TBL1XR1: variants seen among roughly 807,000 people sequenced by gnomAD.
The protein encoded by TBL1XR1 is F-box-like/WD repeat-containing protein TBL1XR1.
A neutral mutation model predicts 66.9 loss-of-function variants in TBL1XR1; 5 were observed. The ratio of observed to expected loss-of-function variants is 0.07; its 90% confidence interval spans 0.04 to 0.16. The LOEUF is 0.16. Ranked by LOEUF, TBL1XR1 falls within the 10% of genes least tolerant of loss-of-function variation. The probability of loss-of-function intolerance (pLI) is 1.00; values close to 1 mark genes in which losing one functional copy is unlikely to be tolerated. For synonymous variants in TBL1XR1, 210 were observed against 206.0 expected (o/e 1.02, Z -0.17); for missense variants, 238 against 623.2 (o/e 0.38, Z 6.58).
At chr3:177,173,081 G>A (rs919940471) in intron 1 of TBL1XR1, among the ~76,000 whole-genome samples, 2 of 152,082 alleles carry the variant, frequency 1.3e-5, no homozygotes, top group South Asian at 2.1e-4. Flanking sequence ...CAGCTACTCC[G>A]CAGTCTGAGG....
upstream of TBL1XR1, among the ~76,000 whole-genome samples, chr3:177,199,924 T>C (rs1363999996): frequency 6.6e-6 from 1 of 152,180 alleles, no homozygotes; most frequent in Admixed American, 6.5e-5. Context: ...AAATGTACTT[T>C]ACTCACCACT....
intron 1 of TBL1XR1, among the ~76,000 whole-genome samples, chr3:177,122,253 C>T (rs116156623): frequency 4.2e-4 from 62 of 148,896 alleles, no homozygotes; most frequent in African/African-American, 1.4e-3. Context: ...TAAAATATTC[C>T]CTCCTCCTCT....
At chr3:177,201,414 C>CAA (rs557996871), upstream of TBL1XR1, among the ~76,000 whole-genome samples, 402 of 38,562 alleles carry the variant, frequency 0.01, 1 homozygote, top group Non-Finnish European at 0.015. Flanking sequence ...GATTACATCT[C>CAA]AAAAAAAAAA....
chr3:177,134,790 C>T (rs1018212675), intron 1 of TBL1XR1, among the ~76,000 whole-genome samples: 4 of 152,078 alleles, frequency 2.6e-5, no homozygotes, highest in Non-Finnish European at 5.9e-5. Flanking sequence ...TATATCTATA[C>T]GTCTCTAGTA....
At chr3:177,197,508 A>C (rs1262201079), upstream of TBL1XR1, 1 of 148,528 alleles carries the variant, frequency 6.7e-6, no homozygotes, top group Non-Finnish European at 1.5e-5. Context: ...TCAGACACTC[A>C]ACACTGGGGA....
intron 14 of TBL1XR1, among the ~76,000 whole-genome samples, chr3:177,030,284 T>A (rs917809833): frequency 6.6e-6 from 1 of 151,606 alleles, no homozygotes; most frequent in Non-Finnish European, 1.5e-5. Flanking sequence ...TATATTCATA[T>A]TATGAATATA....
rs1416318798 is a variant in TBL1XR1 at position 177,181,822 on chromosome 3, G to A, written c.-122+15299C>T. 2.0e-3 allele frequency among the ~76,000 whole-genome samples: 177 copies of A among 86,590 alleles called. 1 individual carries two copies. Among genetic ancestry groups the A allele is most frequent in the African/African-American group, 4.3e-3 (128 of 29,546 alleles). The allele number at this position is 86,590 out of a possible 152,430, so 56.8% of individuals were successfully genotyped here. A position where few individuals can be genotyped will look rare whatever the true frequency, so the allele number is the denominator to read the frequency against. Reference sequence around the variant, plus strand: ...AGGTAAACGTAAGGGTTCAAGTTAGGAAAAAAAAAAAAAAACACACACATG... The same window carrying A: ...AGGTAAACGTAAGGGTTCAAGTTAGAAAAAAAAAAAAAAAACACACACATG... On this transcript the variant is annotated intron_variant, in intron 1 of 15. Coordinates refer to ENST00000457928, the MANE Select transcript of TBL1XR1 (RefSeq NM_024665.7).
At chr3:177,146,426 A>C (rs187847300) in intron 1 of TBL1XR1, among the ~76,000 whole-genome samples, 1 of 151,710 alleles carries the variant, frequency 6.6e-6, no homozygotes, top group Admixed American at 6.6e-5. Context: ...AGCTGGGACT[A>C]CAGGCATCCG....
chr3:177,086,245 AAT>A (rs1403436353), intron 2 of TBL1XR1, among the ~76,000 whole-genome samples: 1 of 151,958 alleles, frequency 6.6e-6, no homozygotes, highest in African/African-American at 2.4e-5. Context: ...TCTTATAATC[AAT>A]AGTTTAAAAT....
chr3:177,077,766 T>C (rs569314157), intron 2 of TBL1XR1, among the ~76,000 whole-genome samples: 1 of 152,254 alleles, frequency 6.6e-6, no homozygotes, highest in Non-Finnish European at 1.5e-5. Context: ...TATTATCTCT[T>C]TATGATACCT....
chr3:177,123,071 G>T (rs1188528115), intron 1 of TBL1XR1, among the ~76,000 whole-genome samples: 1 of 152,092 alleles, frequency 6.6e-6, no homozygotes, highest in Non-Finnish European at 1.5e-5. Context: ...GGAAATAGAA[G>T]TCTTTTGCTA....
intron 2 of TBL1XR1, among the ~76,000 whole-genome samples, chr3:177,094,084 A>G (rs1021720298): frequency 4.6e-5 from 7 of 152,232 alleles, no homozygotes; most frequent in African/African-American, 1.7e-4. Flanking sequence ...TACATCCAAC[A>G]AAGGACTAAT....
At chr3:177,134,433 T>C (rs1441664306) in intron 1 of TBL1XR1, among the ~76,000 whole-genome samples, 1 of 152,170 alleles carries the variant, frequency 6.6e-6, no homozygotes, top group African/African-American at 2.4e-5. Flanking sequence ...CTAGTACTGT[T>C]GCTACTAAGG....
intron 3 of TBL1XR1, 138 bp downstream of exon 3, chr3:177,064,782 C>G: frequency 1.6e-6 from 1 of 635,424 alleles, no homozygotes; most frequent in South Asian, 2.1e-5. Context: ...TAAAACATAG[C>G]TTTAAAATGG....
At chr3:177,117,860 T>C (rs551306203) in intron 1 of TBL1XR1, among the ~76,000 whole-genome samples, 19 of 152,206 alleles carry the variant, frequency 1.2e-4, no homozygotes, top group South Asian at 4.1e-4. Flanking sequence ...ATGGGTTCAA[T>C]GGGAAGGAAA....
At chr3:177,167,462 C>T (rs142173555) in intron 1 of TBL1XR1, among the ~76,000 whole-genome samples, 237 of 152,258 alleles carry the variant, frequency 1.6e-3, no homozygotes, top group African/African-American at 5.5e-3. Flanking sequence ...AGAGTGAACC[C>T]TAATGTAAAC....
In TBL1XR1 at chr3:177,088,369, C is replaced by G. The variant is rs187422204; in HGVS notation, c.-46+10097G>C. On this transcript the variant is annotated intron_variant, in intron 2 of 15. Transcript: ENST00000457928. ...AATACTGTATAAAACTGCCCTCAGG[C>G]TATATATATATAAGGAGTATATGAA... Among the ~76,000 whole-genome samples, 201 of 151,744 alleles carry G rather than the reference C, an allele frequency of 1.3e-3. 1 individual carries two copies. Among genetic ancestry groups the G allele is most frequent in the African/African-American group, 4.7e-3 (193 of 41,408 alleles).
At chr3:177,072,520 A>C (rs1219255151) in intron 2 of TBL1XR1, among the ~76,000 whole-genome samples, 1 of 152,150 alleles carries the variant, frequency 6.6e-6, no homozygotes, top group Non-Finnish European at 1.5e-5. Flanking sequence ...GAAACAGAAA[A>C]GGTGATATTA....
intron 1 of TBL1XR1, among the ~76,000 whole-genome samples, chr3:177,123,231 A>C (rs1727200100): frequency 2.0e-5 from 3 of 152,156 alleles, no homozygotes; most frequent in African/African-American, 7.2e-5. Flanking sequence ...CTCATATCAT[A>C]CTAAAAACAG....
Sources: allele counts gnomAD v4.1 joint callset (sites outside exome capture counted in the v4.1 genomes callset), GRCh38; gene constraint gnomAD v4.1.1; transcripts MANE v1.5; gene names NCBI Gene and HGNC (gene_info 2026-07-23, HGNC 2026-07-21).